STRBP: variants seen among roughly 807,000 people sequenced by gnomAD.
STRBP encodes spermatid perinuclear RNA binding protein, also known as spermatid perinuclear RNA-binding protein.
STRBP carries 13 observed loss-of-function variants against 80.1 expected under a neutral mutation model. The observed-to-expected ratio is 0.16, with a 90% CI of 0.11 to 0.26. STRBP has a LOEUF of 0.26. Among genes scored for constraint, STRBP ranks in the 10% least tolerant of loss-of-function variants. The pLI is 1.00. For synonymous variants in STRBP, 284 were observed against 291.2 expected, an observed-to-expected ratio of 0.98 and a Z score of 0.25; for missense variants, 485 against 815.2, an observed-to-expected ratio of 0.59 and a Z score of 4.93.
At chr9:123,153,429 G>C (rs2037146172) in intron 11 of STRBP, among the ~76,000 whole-genome samples, 1 of 152,142 alleles carries the variant, frequency 6.6e-6, no homozygotes, top group South Asian at 2.1e-4. Flanking sequence ...GGTCTCAAGT[G>C]ATCTGCCCAC....
intron 2 of STRBP, among the ~76,000 whole-genome samples, chr9:123,232,212 T>A (rs552999591): frequency 1.3e-5 from 2 of 152,244 alleles, no homozygotes; most frequent in Non-Finnish European, 2.9e-5. Context: ...CTTGGGAGGC[T>A]GACGCAGGAG....
chr9:123,191,816 T>G (rs1448922941), intron 2 of STRBP, among the ~76,000 whole-genome samples: 1 of 152,336 alleles, frequency 6.6e-6, no homozygotes, highest in African/African-American at 2.4e-5. Context: ...CTTTGAAGAC[T>G]GTAGCTTTTA....
chr9:123,216,508 G>C (rs934453111), intron 2 of STRBP, among the ~76,000 whole-genome samples: 1 of 152,172 alleles, frequency 6.6e-6, no homozygotes, highest in Admixed American at 6.5e-5. Context: ...TCTTGCCATA[G>C]AAATGTCTAT....
At chr9:123,250,991 G>A (rs528746338) in intron 1 of STRBP, among the ~76,000 whole-genome samples, 1 of 152,126 alleles carries the variant, frequency 6.6e-6, no homozygotes, top group South Asian at 2.1e-4. Flanking sequence ...AATTAGCCAG[G>A]TCTGGTAATC....
At chr9:123,267,211 C>T (rs2041287978) in intron 1 of STRBP, among the ~76,000 whole-genome samples, 1 of 150,544 alleles carries the variant, frequency 6.6e-6, no homozygotes, top group Non-Finnish European at 1.5e-5. Flanking sequence ...CAACACTTGC[C>T]AAGAACCCCT....
At chr9:123,141,420 T>C (rs921127348) in intron 13 of STRBP, among the ~76,000 whole-genome samples, 3 of 152,202 alleles carry the variant, frequency 2.0e-5, no homozygotes, top group African/African-American at 7.2e-5. Context: ...TTAACATCAT[T>C]TGTTTATATA....
At chr9:123,194,662 T>C (rs146102140) in intron 2 of STRBP, among the ~76,000 whole-genome samples, 2 of 152,242 alleles carry the variant, frequency 1.3e-5, no homozygotes, top group East Asian at 3.9e-4. Context: ...CTCATCCCAA[T>C]GCTCCATCAA....
chr9:123,237,802 C>T (rs1240716939), intron 1 of STRBP, among the ~76,000 whole-genome samples: 1 of 152,100 alleles, frequency 6.6e-6, no homozygotes, highest in Non-Finnish European at 1.5e-5. Flanking sequence ...CTATAAAATC[C>T]CAAACAGGCA....
At chr9:123,220,190 ATAT>A (rs1377507011) in intron 2 of STRBP, among the ~76,000 whole-genome samples, 2 of 152,362 alleles carry the variant, frequency 1.3e-5, no homozygotes, top group South Asian at 2.1e-4. Context: ...AAAATGACAA[ATAT>A]TATTTAATAC....
chr9:123,154,213 G>C (rs2037181765), intron 11 of STRBP, among the ~76,000 whole-genome samples: 1 of 152,168 alleles, frequency 6.6e-6, no homozygotes, highest in Non-Finnish European at 1.5e-5. Context: ...TCCTTCAAAA[G>C]TAGAATGAGT....
chr9:123,168,177 A>G, intron 6 of STRBP: 1 of 970,348 alleles, frequency 1.0e-6, no homozygotes, highest in South Asian at 4.8e-5. Context: ...GGTCAAGTAG[A>G]ACACATCTTA....
intron 16 of STRBP, among the ~76,000 whole-genome samples, chr9:123,133,354 TA>T (rs2036220044): frequency 6.6e-6 from 1 of 152,130 alleles, no homozygotes; most frequent in Non-Finnish European, 1.5e-5. Context: ...ACTAATTACA[TA>T]GAATTAACTG....
At chr9:123,244,242 A>G (rs1307550145) in intron 1 of STRBP, among the ~76,000 whole-genome samples, 5 of 152,206 alleles carry the variant, frequency 3.3e-5, no homozygotes, top group Non-Finnish European at 7.4e-5. Flanking sequence ...ACTATATGAC[A>G]TTCTGGAAAA....
intron 2 of STRBP, among the ~76,000 whole-genome samples, chr9:123,233,121 G>C (rs1588138203): frequency 6.6e-6 from 1 of 152,114 alleles, no homozygotes; most frequent in African/African-American, 2.4e-5. Context: ...CATCTATGCT[G>C]GGAGTGCAGT....
chr9:123,143,581 A>G (rs780156730), intron 13 of STRBP, among the ~76,000 whole-genome samples: 3 of 152,382 alleles, frequency 2.0e-5, no homozygotes, highest in South Asian at 2.1e-4. Context: ...AACATGTGAT[A>G]TAACTTTTAT....
chr9:123,203,713 T>C (rs935506449), intron 2 of STRBP, among the ~76,000 whole-genome samples: 1 of 152,210 alleles, frequency 6.6e-6, no homozygotes, highest in Non-Finnish European at 1.5e-5. Context: ...GGCTCACACC[T>C]GTAATCCCAG....
At chr9:123,194,234 T>C (rs1046614426) in intron 2 of STRBP, among the ~76,000 whole-genome samples, 4 of 152,246 alleles carry the variant, frequency 2.6e-5, no homozygotes, top group Middle Eastern at 6.8e-3. Flanking sequence ...TCCTACTTCA[T>C]GCAAATTGCC....
intron 1 of STRBP, among the ~76,000 whole-genome samples, chr9:123,265,877 G>A (rs1399246051): frequency 5.9e-5 from 9 of 152,158 alleles, no homozygotes; most frequent in East Asian, 1.9e-4. Context: ...AGTTATTCAC[G>A]CCTTGAAAGA....
At chr9:123,163,018 AACT>A (rs1176938585) in intron 6 of STRBP, among the ~76,000 whole-genome samples, 1 of 152,232 alleles carries the variant, frequency 6.6e-6, no homozygotes, top group Non-Finnish European at 1.5e-5. Context: ...AAGGTTGACT[AACT>A]ACTAAGTAAT....
Sources: gnomAD v4.1 joint callset for allele counts (sites outside exome capture counted in the v4.1 genomes callset) on GRCh38, gnomAD v4.1.1 for gene constraint, MANE v1.5 for transcripts, NCBI Gene and HGNC (gene_info 2026-07-23, HGNC 2026-07-21) for gene names.